DCLK2: variants seen among roughly 807,000 people sequenced by gnomAD.
The protein encoded by DCLK2 is doublecortin like kinase 2, also known as serine/threonine-protein kinase DCLK2.
A neutral mutation model predicts 78.4 loss-of-function variants in DCLK2; 31 were observed. The observed-to-expected ratio is 0.40, with a 90% CI of 0.30 to 0.53. The LOEUF is 0.53. DCLK2 is among the 20% of genes least tolerant of loss of function. DCLK2 has a pLI of 0.61. For missense variants in DCLK2, 872 were observed against 973.7 expected (o/e 0.90, Z 1.39); for synonymous variants, 407 against 374.9 (o/e 1.09, Z -0.99).
At chr4:150,162,436 G>A (rs1735769402) in intron 2 of DCLK2, among the ~76,000 whole-genome samples, 2 of 152,210 alleles carry the variant, frequency 1.3e-5, no homozygotes, top group African/African-American at 4.8e-5. Context: ...TTATTAAGTA[G>A]TATTATCTTC....
intron 2 of DCLK2, among the ~76,000 whole-genome samples, chr4:150,131,771 C>A (rs1355691465): frequency 6.6e-6 from 1 of 152,094 alleles, no homozygotes; most frequent in Non-Finnish European, 1.5e-5. Context: ...CTTGGCAGGT[C>A]CCTGTGTTCC....
intron 1 of DCLK2, among the ~76,000 whole-genome samples, chr4:150,080,491 G>T (rs1473350004): frequency 6.6e-6 from 1 of 152,178 alleles, no homozygotes; most frequent in Non-Finnish European, 1.5e-5. Flanking sequence ...CTGACTGCGT[G>T]TTTACATACA....
chr4:150,150,783 T>C (rs922665710), intron 2 of DCLK2, among the ~76,000 whole-genome samples: 2 of 152,256 alleles, frequency 1.3e-5, no homozygotes, highest in African/African-American at 2.4e-5. Context: ...ACTTGCACCT[T>C]GGCTTTTGTT....
intron 2 of DCLK2, among the ~76,000 whole-genome samples, chr4:150,144,911 G>A (rs1734356982): frequency 6.6e-6 from 1 of 152,176 alleles, no homozygotes; most frequent in South Asian, 2.1e-4. Flanking sequence ...TGCGCAATAT[G>A]ATGTTGATAA....
chr4:150,252,679 C>A (rs1000511799), intron 15 of DCLK2, among the ~76,000 whole-genome samples: 2 of 152,216 alleles, frequency 1.3e-5, no homozygotes, highest in African/African-American at 4.8e-5. Flanking sequence ...AAAAGACAAA[C>A]CCCTGGGCTC....
chr4:150,108,868 A>G (rs1314045865), intron 2 of DCLK2, among the ~76,000 whole-genome samples: 1 of 152,220 alleles, frequency 6.6e-6, no homozygotes, highest in Non-Finnish European at 1.5e-5. Flanking sequence ...GAGGCAAAAC[A>G]GACCCAGAAA....
At chr4:150,240,536 C>T (rs760153007) in intron 12 of DCLK2, 60 bp downstream of exon 12, 167 of 1,418,724 alleles carry the variant, frequency 1.2e-4, no homozygotes, top group Non-Finnish European at 1.5e-4. Flanking sequence ...GGTCCAGAAG[C>T]AGGTACTTTG....
At chr4:150,085,103 G>C (rs765579092) in intron 1 of DCLK2, among the ~76,000 whole-genome samples, 2 of 152,140 alleles carry the variant, frequency 1.3e-5, no homozygotes, top group Non-Finnish European at 2.9e-5. Flanking sequence ...TAGAGAAATT[G>C]CTGCATTGTA....
chr4:150,247,692 C>G lies in DCLK2; in HGVS notation c.1868C>G (p.Ser623Cys). Residue 623 changes from serine to cysteine, a missense_variant, in exon 13 of 16, where the codon TCT (serine) becomes TGT (cysteine). Physicochemically the swap from Ser to Cys is moderately radical, Grantham distance 112. Coordinates refer to ENST00000296550, the MANE Select transcript of DCLK2 (RefSeq NM_001040260.4). Reference protein sequence around the residue: ...PAPYWDNITDSAKELISQMLQ... With the variant: ...PAPYWDNITDCAKELISQMLQ... ...CCCTACTGGGATAACATCACGGACT[C>G]TGCCAAGGTACCCTCCAGGCCTGTT... The G allele has an allele frequency of 7.4e-6, 12 of 1,613,920 alleles. No individual in the cohort carries two copies. Among genetic ancestry groups the G allele is most frequent in the Non-Finnish European group, 9.3e-6 (11 of 1,179,898 alleles).
intron 4 of DCLK2, among the ~76,000 whole-genome samples, chr4:150,198,481 A>T (rs984543834): frequency 1.9e-5 from 2 of 108,068 alleles, no homozygotes; most frequent in African/African-American, 5.3e-5. Flanking sequence ...GCACATGCAC[A>T]CACTCTGCCC....
At chr4:150,179,317 T>A (rs142735967) in intron 2 of DCLK2, among the ~76,000 whole-genome samples, 358 of 152,332 alleles carry the variant, frequency 2.4e-3, no homozygotes, top group African/African-American at 8.0e-3. Flanking sequence ...TGTGAGCCAC[T>A]GCGCCCAGCC....
intron 1 of DCLK2, among the ~76,000 whole-genome samples, chr4:150,092,308 C>A (rs547246869): frequency 2.6e-5 from 4 of 152,168 alleles, no homozygotes; most frequent in Non-Finnish European, 5.9e-5. Context: ...TATATCAATT[C>A]TTCTGGATAT....
chr4:150,249,687 G>T lies in DCLK2; in HGVS notation c.2073+3G>T. The T allele has an allele frequency of 6.2e-7, 1 of 1,612,260 alleles. No homozygotes were observed. Among genetic ancestry groups the T allele is most frequent in the South Asian group, 1.1e-5 (1 of 91,044 alleles). ...CCACCGGGGTCTCCGTCATCATGGT[G>T]AGTGGAAGGCGGCAGGTCTGGCCTG... On this transcript the variant is annotated splice_donor_region_variant and intron_variant, in intron 15 of 15. Coordinates refer to ENST00000296550, the MANE Select transcript of DCLK2 (RefSeq NM_001040260.4).
intron 8 of DCLK2, among the ~76,000 whole-genome samples, chr4:150,224,872 G>C (rs1182694922): frequency 6.6e-6 from 1 of 152,160 alleles, no homozygotes; most frequent in Non-Finnish European, 1.5e-5. Flanking sequence ...GACTTTACTT[G>C]CAAGCTAACA....
chr4:150,208,105 G>T (rs1033219833), intron 5 of DCLK2, among the ~76,000 whole-genome samples: 1 of 152,158 alleles, frequency 6.6e-6, no homozygotes, highest in Non-Finnish European at 1.5e-5. Flanking sequence ...AAGTACAGGG[G>T]ATTTTCCCTG....
intron 2 of DCLK2, among the ~76,000 whole-genome samples, chr4:150,170,015 T>C (rs569681404): frequency 6.6e-6 from 1 of 152,354 alleles, no homozygotes; most frequent in Admixed American, 6.5e-5. Flanking sequence ...TCCAGTATTT[T>C]ATCTAACCAA....
chr4:150,116,208 G>A (rs1732074423), intron 2 of DCLK2, among the ~76,000 whole-genome samples: 1 of 152,150 alleles, frequency 6.6e-6, no homozygotes, highest in African/African-American at 2.4e-5. Context: ...GTTCTAGAAG[G>A]GCTGTCTACA....
chr4:150,174,925 G>A (rs1360748609), intron 2 of DCLK2, among the ~76,000 whole-genome samples: 2 of 140,826 alleles, frequency 1.4e-5, no homozygotes, highest in Admixed American at 7.5e-5. Flanking sequence ...TTGAACCTGG[G>A]AGGCAGAGGT....
Position 150,187,427 on chromosome 4 carries a change from C to A in DCLK2, c.757-5711C>A, listed in dbSNP as rs144601966. Among the ~76,000 whole-genome samples the A allele has an allele frequency of 3.5e-3, 531 of 152,302 alleles. 5 individuals carry two copies. The highest frequency in any genetic ancestry group is 0.012 in the African/African-American group (488 of 41,560). On this transcript the variant is annotated intron_variant, in intron 2 of 15. Coordinates refer to ENST00000296550, the MANE Select transcript of DCLK2 (RefSeq NM_001040260.4). ...CATTTCTTTCCCTCTGCCTGGAACA[C>A]TTTCCCTTACAGATATTCATGTGAC...
Sources: allele counts gnomAD v4.1 joint callset (sites outside exome capture counted in the v4.1 genomes callset), GRCh38; gene constraint gnomAD v4.1.1; transcripts MANE v1.5; gene names NCBI Gene and HGNC (gene_info 2026-07-23, HGNC 2026-07-21).